Variants in NEXMIF observed in about 807,000 individuals in gnomAD.
NEXMIF encodes XLMR protein related to neurite extension.
A neutral mutation model predicts 62.1 loss-of-function variants in NEXMIF; 8 were observed. The ratio of observed to expected loss-of-function variants is 0.13; its 90% CI spans 0.08 to 0.23. The LOEUF is 0.23. Among genes scored for constraint, NEXMIF ranks in the 10% least tolerant of loss-of-function variants. NEXMIF has a pLI of 1.00. For synonymous variants in NEXMIF, 404 were observed against 416.6 expected, an observed-to-expected ratio of 0.97 and a Z score of 0.37; for missense variants, 976 against 1,113.3, an observed-to-expected ratio of 0.88 and a Z score of 1.75.
intron 1 of NEXMIF, among the ~76,000 whole-genome samples, chrX:74,812,632 G>C (rs1394860485): frequency 9.0e-6 from 1 of 111,473 alleles, no homozygotes; most frequent in East Asian, 2.8e-4. Flanking sequence ...AGAAAAGATA[G>C]TCAGGGCTGC....
intron 1 of NEXMIF, among the ~76,000 whole-genome samples, chrX:74,832,355 T>C (rs1291166637): frequency 8.9e-6 from 1 of 111,920 alleles, no homozygotes; most frequent in Non-Finnish European, 1.9e-5. Flanking sequence ...TCAAAATTTA[T>C]TTATTTCTTC....
chrX:74,767,725 C>T (rs1454078026), intron 1 of NEXMIF, among the ~76,000 whole-genome samples: 2 of 111,292 alleles, frequency 1.8e-5, no homozygotes, highest in African/African-American at 6.5e-5. Context: ...GGTGAGGGAC[C>T]CATGTAAAAA....
intron 1 of NEXMIF, among the ~76,000 whole-genome samples, chrX:74,909,781 C>G (rs1187941210): frequency 1.8e-5 from 2 of 111,683 alleles, no homozygotes; most frequent in Non-Finnish European, 3.8e-5. Context: ...TGTGTGCAGC[C>G]TAGGAATTTG....
chrX:74,875,748 T>C (rs901598028), intron 1 of NEXMIF, among the ~76,000 whole-genome samples: 3 of 112,167 alleles, frequency 2.7e-5, no homozygotes, highest in Non-Finnish European at 5.6e-5. Context: ...CAGAAATTTA[T>C]CTATTTCTTC....
rs935091652 is a variant in NEXMIF at position 74,744,412 on chromosome X, G to T, written c.145C>A (p.Pro49Thr). The change falls in exon 3 of 4, where the codon CCT (proline) becomes ACT (threonine). Residue 49 changes from proline (P) to threonine (T), a missense_variant. By Grantham distance (38) the Pro-to-Thr change is conservative. This residue lies in a region of NEXMIF where 126 missense variants were observed against 146.5 expected (regional missense o/e 0.86). Coordinates refer to ENST00000055682, the MANE Select transcript of NEXMIF (RefSeq NM_001008537.3). ...GTCTCTTTTTGTGCCACCGGTGTAGGCTGGATAGGTGCAGCAGCTTCTAGA... is the reference window on the plus strand; with the variant it reads ...GTCTCTTTTTGTGCCACCGGTGTAGTCTGGATAGGTGCAGCAGCTTCTAGA... ...AALEAAAPIQ[P>T]TPVAQKETLM... 3 of 1,207,357 alleles carry T rather than the reference G, an allele frequency of 2.5e-6. No individual in the cohort carries two copies. Among genetic ancestry groups the T allele is most frequent in the African/African-American group, 3.5e-5 (2 of 56,942 alleles).
intron 1 of NEXMIF, among the ~76,000 whole-genome samples, chrX:74,831,715 C>T (rs2080438000): frequency 8.9e-6 from 1 of 111,767 alleles, no homozygotes. Flanking sequence ...GAAAGACTTT[C>T]AGTTTTATCC....
chrX:74,770,977 G>T (rs1262689295), intron 1 of NEXMIF, among the ~76,000 whole-genome samples: 2 of 111,736 alleles, frequency 1.8e-5, no homozygotes, highest in Admixed American at 1.9e-4. Flanking sequence ...GAGAATAAAA[G>T]AACCTGTTTT....
Position 74,736,354 on chromosome X carries a change from G to T in NEXMIF, c.*3051C>A, listed in dbSNP as rs937009807. 1 of 110,603 alleles carries T rather than the reference G, an allele frequency of 9.0e-6. No homozygotes were observed. The highest frequency in any genetic ancestry group is 3.9e-4 in the South Asian group (1 of 2,563). 9.1% of individuals were successfully genotyped at this position (110,603 alleles called of 1,213,427 possible). On this transcript the variant is annotated 3_prime_UTR_variant, in exon 4 of 4. Transcript: ENST00000055682. ...ATAAAAGAAAAATTCTAAGACCAAG[G>T]TCTGAGATTAAGTAAGAAGAATAAG...
intron 2 of NEXMIF, among the ~76,000 whole-genome samples, chrX:74,744,741 A>C (rs930346185): frequency 1.8e-5 from 2 of 111,911 alleles, no homozygotes; most frequent in African/African-American, 6.5e-5. Flanking sequence ...AAATGAGAAA[A>C]GAATTGGACT....
intron 1 of NEXMIF, among the ~76,000 whole-genome samples, chrX:74,909,931 T>C (rs2080782747): frequency 8.9e-6 from 1 of 112,484 alleles, no homozygotes; most frequent in East Asian, 2.8e-4. Context: ...GTGTCAAGAA[T>C]TGAGGTTTGG....
At chrX:74,820,859 A>C (rs2080392872) in intron 1 of NEXMIF, among the ~76,000 whole-genome samples, 2 of 110,781 alleles carry the variant, frequency 1.8e-5, no homozygotes. Flanking sequence ...ACTGGGGCCT[A>C]CCTGAGGGCA....
At chrX:74,825,018 A>T (rs1054171070) in intron 1 of NEXMIF, among the ~76,000 whole-genome samples, 1 of 111,220 alleles carries the variant, frequency 9.0e-6, no homozygotes, top group African/African-American at 3.3e-5. Context: ...TCAACAGTAT[A>T]CAAGGGTTCT....
At chrX:74,746,436 C>T (rs2080126348) in intron 1 of NEXMIF, among the ~76,000 whole-genome samples, 1 of 111,236 alleles carries the variant, frequency 9.0e-6, no homozygotes, top group Admixed American at 9.8e-5. Flanking sequence ...GCCCACCTAC[C>T]TGAGTGGTAT....
At chrX:74,823,780 G>C (rs1466977057) in intron 1 of NEXMIF, among the ~76,000 whole-genome samples, 1 of 111,075 alleles carries the variant, frequency 9.0e-6, no homozygotes, top group Non-Finnish European at 1.9e-5. Context: ...TGAGAAAATA[G>C]ATGGGGGAGA....
At chrX:74,805,221 A>G (rs538401404) in intron 1 of NEXMIF, among the ~76,000 whole-genome samples, 1 of 111,701 alleles carries the variant, frequency 9.0e-6, no homozygotes, top group South Asian at 3.8e-4. Context: ...TGCTCGCCGG[A>G]TTTTTGGTTC....
chrX:74,796,209 T>TATATATATATACATATATAATA (rs1491129454), intron 1 of NEXMIF, among the ~76,000 whole-genome samples: 6 of 46,588 alleles, frequency 1.3e-4, no homozygotes, highest in Admixed American at 3.7e-4. Flanking sequence ...TACATATATA[T>TATATATATATACATATATAATA]TATATATATA....
intron 1 of NEXMIF, among the ~76,000 whole-genome samples, chrX:74,797,823 G>C (rs994129791): frequency 8.9e-6 from 1 of 111,891 alleles, no homozygotes; most frequent in Non-Finnish European, 1.9e-5. Flanking sequence ...CAAGCTCAAC[G>C]TAGAATGTTC....
At chrX:74,865,345 G>A (rs1292179593) in intron 1 of NEXMIF, among the ~76,000 whole-genome samples, 1 of 111,760 alleles carries the variant, frequency 8.9e-6, no homozygotes, top group East Asian at 2.8e-4. Flanking sequence ...GAGATGGGTG[G>A]CATTTGGCTC....
chrX:74,790,968 C>T (rs75745255), intron 1 of NEXMIF, among the ~76,000 whole-genome samples: 1 of 110,633 alleles, frequency 9.0e-6, no homozygotes, highest in Non-Finnish European at 1.9e-5. Context: ...TACCCTTTAT[C>T]TCCTTCTCCT....
Sources: allele counts gnomAD v4.1 joint callset (sites outside exome capture counted in the v4.1 genomes callset), GRCh38; gene constraint gnomAD v4.1.1; regional missense constraint gnomAD v4.1.1; transcripts MANE v1.5; gene names NCBI Gene and HGNC (gene_info 2026-07-23, HGNC 2026-07-21).